Variants in STRN3 observed in about 807,000 individuals in gnomAD.
STRN3 encodes the protein striatin-3.
A neutral mutation model predicts 95.6 loss-of-function variants in STRN3; 29 were observed. The ratio of observed to expected loss-of-function variants is 0.30; its 90% CI spans 0.23 to 0.41. STRN3 has a LOEUF of 0.41. Among genes scored for constraint, STRN3 ranks in the 10% least tolerant of loss-of-function variants. The probability of loss-of-function intolerance (pLI) is 1.00; values close to 1 mark genes in which losing one functional copy is unlikely to be tolerated. For missense variants in STRN3, 890 were observed against 972.1 expected (o/e 0.92, Z 1.12); for synonymous variants, 331 against 357.6 (o/e 0.93, Z 0.84).
chr14:30,941,917 T>C (rs1879113217), intron 5 of STRN3, among the ~76,000 whole-genome samples: 1 of 152,196 alleles, frequency 6.6e-6, no homozygotes, highest in Admixed American at 6.5e-5. Flanking sequence ...TGAGCCACCA[T>C]GCCCAGCCTG....
At chr14:30,953,509 G>A (rs1165924885) in intron 3 of STRN3, among the ~76,000 whole-genome samples, 1 of 152,164 alleles carries the variant, frequency 6.6e-6, no homozygotes, top group Non-Finnish European at 1.5e-5. Context: ...TAATTCTGAA[G>A]ACTGTTCTAG....
At chr14:30,936,838 T>C (rs535664962) in intron 5 of STRN3, among the ~76,000 whole-genome samples, 3 of 152,348 alleles carry the variant, frequency 2.0e-5, no homozygotes, top group East Asian at 1.9e-4. Context: ...CCAAAGTTCA[T>C]TGTCCAAAAT....
chr14:31,016,742 A>G (rs772540057), intron 1 of STRN3, among the ~76,000 whole-genome samples: 14 of 152,084 alleles, frequency 9.2e-5, no homozygotes, highest in Non-Finnish European at 1.5e-4. Context: ...ACGGCGTTTC[A>G]CCATATTGGC....
intron 16 of STRN3, among the ~76,000 whole-genome samples, chr14:30,900,605 ACCTGTAGTCCCAC>A (rs899233248): frequency 5.1e-4 from 78 of 151,822 alleles, no homozygotes; most frequent in African/African-American, 1.5e-3. Context: ...GGTGGCACAC[ACCTGTAGTCCCAC>A]CCTGTAGTCC....
At chr14:30,930,650 T>C (rs1878485793) in intron 7 of STRN3, among the ~76,000 whole-genome samples, 1 of 151,308 alleles carries the variant, frequency 6.6e-6, no homozygotes, top group South Asian at 2.1e-4. Flanking sequence ...CCTAAGATTA[T>C]CTATCTGTCA....
In STRN3 at chr14:30,913,613, T is replaced by C. The variant is rs1050453092; in HGVS notation, c.1285A>G (p.Met429Val). The C allele has an allele frequency of 8.1e-6, 13 of 1,613,778 alleles. No homozygotes were observed. Among genetic ancestry groups the C allele is most frequent in the Non-Finnish European group, 1.1e-5 (13 of 1,179,916 alleles). Residue 429 changes from methionine (M) to valine (V), a missense_variant, in exon 10 of 18, where the codon ATG (methionine) becomes GTG (valine). This residue lies in a region of STRN3 where 7 missense variants were observed against 23.0 expected (regional missense o/e 0.30). Transcript: ENST00000357479. ...FPSGGGKSFI[M>V]GSDDVLLSVL... ...CTTAACAAAACATCATCAGAACCCA[T>C]AATAAATGACTTGCCTCCTCCAGAT...
Position 30,895,094 on chromosome 14 carries a change from G to GAGA in STRN3, c.*316_*317insTCT, listed in dbSNP as rs1566421013. The GAGA allele has an allele frequency of 4.3e-3, 461 of 108,022 alleles. 3 individuals carry two copies. The highest frequency in any genetic ancestry group is 9.5e-3 in the South Asian group (32 of 3,370). The allele number at this position is 108,022 out of a possible 1,614,324, so 6.7% of individuals were successfully genotyped here. ...AAAAAAAAAAAGAAGAAGAAGAAGA[G>GAGA]AAAAAAAAAAACTTTTTTGAAAGAT... On this transcript the variant is annotated 3_prime_UTR_variant, in exon 18 of 18. Transcript: ENST00000357479.
chr14:31,015,709 T>A (rs1883207031), intron 1 of STRN3, among the ~76,000 whole-genome samples: 1 of 152,186 alleles, frequency 6.6e-6, no homozygotes, highest in Admixed American at 6.5e-5. Flanking sequence ...TGTATGCTCC[T>A]TTTGGCTCTG....
intron 1 of STRN3, among the ~76,000 whole-genome samples, chr14:30,995,766 T>C (rs1298187245): frequency 6.6e-6 from 1 of 152,160 alleles, no homozygotes; most frequent in Non-Finnish European, 1.5e-5. Flanking sequence ...AAAATAAAAG[T>C]AAATTTTAAT....
chr14:30,956,648 AT>A (rs781590357), intron 1 of STRN3, among the ~76,000 whole-genome samples: 5 of 152,204 alleles, frequency 3.3e-5, no homozygotes, highest in Non-Finnish European at 5.9e-5. Flanking sequence ...AAAGATAACT[AT>A]AAATTAGCTA....
intron 1 of STRN3, among the ~76,000 whole-genome samples, chr14:31,013,693 A>G (rs929328435): frequency 1.1e-4 from 16 of 151,724 alleles, no homozygotes; most frequent in African/African-American, 3.4e-4. Flanking sequence ...TCCTGGGCTC[A>G]AGCAATCCTC....
At chr14:30,931,412 G>T (rs10872847) in intron 7 of STRN3, among the ~76,000 whole-genome samples, 1 of 152,190 alleles carries the variant, frequency 6.6e-6, no homozygotes, top group Non-Finnish European at 1.5e-5. Context: ...ACAAATATGC[G>T]TAAGAAAGTT....
chr14:30,903,385 T>C (rs1489611980), intron 15 of STRN3, among the ~76,000 whole-genome samples: 1 of 152,162 alleles, frequency 6.6e-6, no homozygotes, highest in Non-Finnish European at 1.5e-5. Flanking sequence ...CATGTAAATA[T>C]TTTACATAAT....
chr14:30,989,394 C>A (rs1323505885), intron 1 of STRN3, among the ~76,000 whole-genome samples: 2 of 152,180 alleles, frequency 1.3e-5, no homozygotes, highest in East Asian at 3.8e-4. Flanking sequence ...GACTATTTCT[C>A]CAAAGGTAGT....
Position 30,933,280 on chromosome 14 carries a change from TAAAAAAA to T in STRN3, c.988+1876_988+1882del, listed in dbSNP as rs35736582. Among the ~76,000 whole-genome samples the T allele has an allele frequency of 4.4e-4, 10 of 22,778 alleles. No individual in the cohort carries two copies. In the South Asian group the frequency reaches 8.6e-3, roughly 20 times the overall value. 14.9% of individuals were successfully genotyped at this position (22,778 alleles called of 152,430 possible). A position where few individuals can be genotyped will look rare whatever the true frequency, so the allele number is the denominator to read the frequency against. On this transcript the variant is annotated intron_variant, in intron 7 of 17. Transcript: ENST00000357479. ...GGCAATAAAGCGAGACCCTGTTTCA[TAAAAAAA>T]AAAAAAAAAAAAAAAAAACGATGCA...
chr14:30,989,521 C>T (rs1270105509), intron 1 of STRN3, among the ~76,000 whole-genome samples: 2 of 152,096 alleles, frequency 1.3e-5, no homozygotes, highest in South Asian at 2.1e-4. Flanking sequence ...AGTGCAGTGG[C>T]GCAATCTCAA....
At chr14:31,003,399 T>G (rs958042879) in intron 1 of STRN3, among the ~76,000 whole-genome samples, 1 of 151,354 alleles carries the variant, frequency 6.6e-6, no homozygotes, top group African/African-American at 2.4e-5. Flanking sequence ...TTGCTATGGT[T>G]TGGAGTCTGT....
intron 1 of STRN3, among the ~76,000 whole-genome samples, chr14:30,999,583 T>A (rs1882353727): frequency 6.6e-6 from 1 of 151,966 alleles, no homozygotes; most frequent in South Asian, 2.1e-4. Flanking sequence ...GGCAGAACAA[T>A]CAACCAACTT....
chr14:30,908,649 C>G (rs771049078), intron 13 of STRN3, among the ~76,000 whole-genome samples: 1 of 152,180 alleles, frequency 6.6e-6, no homozygotes. Flanking sequence ...ATTGTTTCTT[C>G]TTTAGTGTGC....
Sources: gnomAD v4.1 joint callset for allele counts (sites outside exome capture counted in the v4.1 genomes callset) on GRCh38, gnomAD v4.1.1 for gene constraint, gnomAD v4.1.1 regional missense constraint, MANE v1.5 for transcripts, NCBI Gene and HGNC (gene_info 2026-07-23, HGNC 2026-07-21) for gene names.